ALOX5AP: variants seen among roughly 807,000 people sequenced by gnomAD.
ALOX5AP encodes arachidonate 5-lipoxygenase-activating protein.
A neutral mutation model predicts 18.5 loss-of-function variants in ALOX5AP; 9 were observed. The observed-to-expected ratio is 0.49, with a 90% CI of 0.29 to 0.85. ALOX5AP has a LOEUF of 0.85. Ranked by LOEUF, ALOX5AP falls within the 40% of genes least tolerant of loss-of-function variation. The pLI, the probability that ALOX5AP is intolerant of heterozygous loss-of-function variation, is 0.08. For missense variants in ALOX5AP, 172 were observed against 202.5 expected (o/e 0.85, Z 0.91); for synonymous variants, 81 against 78.6 (o/e 1.03, Z -0.16).
chr13:30,755,763 C>T (rs541538152), intron 3 of ALOX5AP, among the ~76,000 whole-genome samples, 181 bp from the exon 4 acceptor site: 1 of 152,334 alleles, frequency 6.6e-6, no homozygotes, highest in South Asian at 2.1e-4. Context: ...GCCATGATGC[C>T]GGCATAAGGT....
rs181601907 is a variant in ALOX5AP at position 30,724,095 on chromosome 13, C to T, written c.116+10254C>T. Reference sequence around the variant, plus strand: ...TCCCGTGTCCCTCTCCAGTCAATATCCAGCCCTAGCCCCAGCTCCAGGCAA... The same window carrying T: ...TCCCGTGTCCCTCTCCAGTCAATATTCAGCCCTAGCCCCAGCTCCAGGCAA... On this transcript the variant is annotated intron_variant, in intron 1 of 5. Transcript: ENST00000617770. 2.4e-3 allele frequency among the ~76,000 whole-genome samples: 368 copies of T among 152,314 alleles called. 1 individual carries two copies. Among genetic ancestry groups the T allele is most frequent in the Non-Finnish European group, 4.4e-3 (296 of 68,026 alleles).
chr13:30,730,595 T>C (rs1951673474), upstream of ALOX5AP, among the ~76,000 whole-genome samples: 1 of 152,142 alleles, frequency 6.6e-6, no homozygotes, highest in South Asian at 2.1e-4. Flanking sequence ...CTTGTCCTAA[T>C]GAACAGGGAG....
intron 1 of ALOX5AP, among the ~76,000 whole-genome samples, chr13:30,715,236 A>T (rs757411461): frequency 5.3e-5 from 8 of 152,182 alleles, no homozygotes; most frequent in Non-Finnish European, 1.0e-4. Flanking sequence ...TTCCTCTGTA[A>T]AAAGGGCAAT....
chr13:30,721,349 A>AC (rs1436210206), intron 1 of ALOX5AP, among the ~76,000 whole-genome samples: 1 of 152,192 alleles, frequency 6.6e-6, no homozygotes, highest in Non-Finnish European at 1.5e-5. Flanking sequence ...AATGGCCCCA[A>AC]CCAAGTACTG....
chr13:30,755,775 G>A (rs769093995), intron 3 of ALOX5AP, among the ~76,000 whole-genome samples, 169 bp from the exon 4 acceptor site: 10 of 152,248 alleles, frequency 6.6e-5, no homozygotes, highest in Non-Finnish European at 1.2e-4. Context: ...GCATAAGGTC[G>A]TTACCAGTAT....
In ALOX5AP at chr13:30,715,640, A is replaced by G. The variant is rs144725267; in HGVS notation, c.116+1799A>G. ...AATGGCCCCAGCTGCCTTTTCCATG[A>G]CTCCTCTTGAAACCCTGTGGAGGCC... On this transcript the variant is annotated intron_variant, in intron 1 of 5. Transcript: ENST00000617770. Among the ~76,000 whole-genome samples, 1,243 of 152,034 alleles carry G rather than the reference A, an allele frequency of 8.2e-3. 25 individuals carry two copies. The highest frequency in any genetic ancestry group is 0.028 in the African/African-American group (1,178 of 41,486).
At chr13:30,747,488 A>T (rs1056402820) in intron 2 of ALOX5AP, among the ~76,000 whole-genome samples, 2 of 152,142 alleles carry the variant, frequency 1.3e-5, no homozygotes, top group Non-Finnish European at 2.9e-5. Flanking sequence ...ACATGTATAA[A>T]ACACAGTTTA....
chr13:30,731,125 G>C (rs186440172), upstream of ALOX5AP, among the ~76,000 whole-genome samples: 2 of 152,124 alleles, frequency 1.3e-5, no homozygotes, highest in Admixed American at 6.5e-5. Context: ...GTTATTTCCC[G>C]TGAAGTGTAT....
intron 4 of ALOX5AP, among the ~76,000 whole-genome samples, chr13:30,756,904 G>C (rs571964693): frequency 6.7e-6 from 1 of 149,956 alleles, no homozygotes; most frequent in South Asian, 2.1e-4. Context: ...GATGTTGCCA[G>C]ACAGAAAGCC....
chr13:30,747,488 A>ATGT (rs1951818701), intron 2 of ALOX5AP, among the ~76,000 whole-genome samples: 1 of 152,142 alleles, frequency 6.6e-6, no homozygotes, highest in African/African-American at 2.4e-5. Flanking sequence ...ACATGTATAA[A>ATGT]ACACAGTTTA....
Position 30,764,066 on chromosome 13 carries a change from C to T in ALOX5AP, c.446C>T (p.Thr149Met), listed in dbSNP as rs183948231. The T allele has an allele frequency of 9.0e-5, 146 of 1,614,090 alleles. 1 individual carries two copies. Among genetic ancestry groups the T allele is most frequent in the South Asian group, 3.5e-4 (32 of 91,064 alleles). ...FGSDFENYIK[T>M]ISTTISPLLL... ...AGTGACTTTGAAAACTACATAAAGA[C>T]GATCTCCACCACCATCTCCCCTCTA... is the stretch of plus-strand genomic sequence containing the variant. The change falls in exon 5 of 5, where the codon ACG becomes ATG. Residue 149 changes from threonine to methionine, a missense_variant. Coordinates refer to ENST00000380490, the MANE Select transcript of ALOX5AP (RefSeq NM_001629.4).
intron 2 of ALOX5AP, 114 bp downstream of exon 2, chr13:30,744,273 GCCAGGGAGGTGAGGAAGGTTGGACTTCA>G: frequency 1.1e-6 from 1 of 906,344 alleles, no homozygotes; most frequent in Non-Finnish European, 1.7e-6. Context: ...GTTTCTGAGC[GCCAGGGAGGTGAGGAAGGTTGGACTTCA>G]CCAGAGAGGC....
chr13:30,734,132 A>G (rs965384628), upstream of ALOX5AP, among the ~76,000 whole-genome samples: 10 of 152,188 alleles, frequency 6.6e-5, no homozygotes, highest in Admixed American at 6.5e-4. Flanking sequence ...ATATTGGTTC[A>G]GTTTCTCTGG....
rs562745764 is a variant in ALOX5AP at position 30,752,945 on chromosome 13, C to A, written c.241+823C>A. Among the ~76,000 whole-genome samples, 6 of 152,348 alleles carry A rather than the reference C, an allele frequency of 3.9e-5. No homozygotes were observed. In the East Asian group the frequency reaches 5.8e-4, roughly 15 times the overall value. On this transcript the variant is annotated intron_variant, in intron 3 of 4. Coordinates refer to ENST00000380490, the MANE Select transcript of ALOX5AP (RefSeq NM_001629.4). ...ACACAGGCAGAATGAGTGCCTGGGT[C>A]TTTTGACTTAAAATTCTGGATTTTT...
chr13:30,756,892 T>C (rs1357679248), intron 4 of ALOX5AP, among the ~76,000 whole-genome samples: 3 of 150,160 alleles, frequency 2.0e-5, no homozygotes, highest in Non-Finnish European at 4.4e-5. Context: ...GCATTGTTTA[T>C]AGATGTTGCC....
intron 4 of ALOX5AP, among the ~76,000 whole-genome samples, chr13:30,760,345 C>T (rs1184693946): frequency 1.3e-5 from 2 of 152,092 alleles, no homozygotes; most frequent in Non-Finnish European, 2.9e-5. Flanking sequence ...ATCTGCCAGC[C>T]TCAGTCTCCC....
chr13:30,761,782 C>T (rs1951944104), intron 4 of ALOX5AP, among the ~76,000 whole-genome samples: 2 of 152,146 alleles, frequency 1.3e-5, no homozygotes, highest in Admixed American at 1.3e-4. Context: ...TGTCTGTGTC[C>T]AAATCTCCCC....
intron 1 of ALOX5AP, among the ~76,000 whole-genome samples, chr13:30,725,911 A>G (rs1012294038): frequency 1.3e-5 from 2 of 152,180 alleles, no homozygotes; most frequent in Admixed American, 6.5e-5. Context: ...CCAGCTGGGT[A>G]GCAACACCCT....
At chr13:30,713,743 C>T (rs767862980) in exon 1 of ALOX5AP, 170 of 1,533,858 alleles carry the variant, frequency 1.1e-4, no homozygotes, top group Admixed American at 4.5e-4. Flanking sequence ...CATTTAATCA[C>T]GATGCTCCCT....
Sources: allele counts gnomAD v4.1 joint callset (sites outside exome capture counted in the v4.1 genomes callset), GRCh38; gene constraint gnomAD v4.1.1; transcripts MANE v1.5; gene names NCBI Gene and HGNC (gene_info 2026-07-23, HGNC 2026-07-21).